The following UGGT2 variants were observed in gnomAD, a reference collection of about 807,000 sequenced individuals.
UGGT2 encodes UDP-glucose:glycoprotein glucosyltransferase 2.
A neutral mutation model predicts 192.1 loss-of-function variants in UGGT2; 180 were observed. The observed-to-expected ratio is 0.94, with a 90% CI of 0.83 to 1.06. The LOEUF (loss-of-function observed/expected upper bound fraction) is 1.06, where lower values mean the gene tolerates loss of function less well. Ranked by LOEUF, UGGT2 falls within the 50% of genes least tolerant of loss-of-function variation. The pLI, the probability that UGGT2 is intolerant of heterozygous loss-of-function variation, is 0.00. For missense variants in UGGT2, 1,849 were observed against 1,795.7 expected (o/e 1.03, Z -0.54); for synonymous variants, 580 against 591.0 (o/e 0.98, Z 0.27).
At chr13:95,952,374 C>T (rs901266877) in intron 12 of UGGT2, among the ~76,000 whole-genome samples, 4 of 151,920 alleles carry the variant, frequency 2.6e-5, no homozygotes, top group South Asian at 2.1e-4. Context: ...CAGGACTCCC[C>T]GAGGATACCA....
At chr13:95,865,289 T>C (rs909898220) in intron 30 of UGGT2, among the ~76,000 whole-genome samples, 2 of 152,202 alleles carry the variant, frequency 1.3e-5, no homozygotes, top group African/African-American at 4.8e-5. Flanking sequence ...CCTGTTTTTC[T>C]ATCTTTTTAC....
intron 31 of UGGT2, 154 bp downstream of exon 31, chr13:95,863,475 A>C (rs1291742719): frequency 1.6e-6 from 1 of 609,396 alleles, no homozygotes; most frequent in Non-Finnish European, 2.9e-6. Context: ...CTAGTTTCCT[A>C]TCTTGTACAC....
chr13:95,919,177 G>C (rs2048769256), intron 20 of UGGT2, among the ~76,000 whole-genome samples: 1 of 152,000 alleles, frequency 6.6e-6, no homozygotes, highest in Non-Finnish European at 1.5e-5. Context: ...ATCCCTTCAT[G>C]TTAAAATCTC....
intron 20 of UGGT2, among the ~76,000 whole-genome samples, chr13:95,915,412 T>C (rs1465592882): frequency 6.6e-6 from 1 of 152,250 alleles, no homozygotes; most frequent in South Asian, 2.1e-4. Context: ...CTATGCACGC[T>C]ACCCCTGCTA....
chr13:95,911,320 A>C (rs2048489387), intron 20 of UGGT2, among the ~76,000 whole-genome samples: 1 of 152,198 alleles, frequency 6.6e-6, no homozygotes, highest in African/African-American at 2.4e-5. Flanking sequence ...GAAAAGAACA[A>C]AATTGATAGA....
intron 2 of UGGT2, among the ~76,000 whole-genome samples, chr13:96,024,741 T>C (rs1198600229): frequency 6.6e-6 from 1 of 151,858 alleles, no homozygotes; most frequent in African/African-American, 2.4e-5. Flanking sequence ...AAGAACAGAG[T>C]TGAGGTAGAT....
chr13:95,970,815 T>G (rs2050749797), intron 11 of UGGT2, among the ~76,000 whole-genome samples: 1 of 152,156 alleles, frequency 6.6e-6, no homozygotes, highest in African/African-American at 2.4e-5. Context: ...AATCTAAATG[T>G]TTAAACTACT....
chr13:95,942,447 T>C (rs924829862), intron 15 of UGGT2, among the ~76,000 whole-genome samples: 1 of 152,146 alleles, frequency 6.6e-6, no homozygotes, highest in Non-Finnish European at 1.5e-5. Context: ...TCTTAATTCC[T>C]GCCAAATTAC....
At chr13:95,869,464 C>T (rs1343576695) in intron 29 of UGGT2, among the ~76,000 whole-genome samples, 1 of 152,212 alleles carries the variant, frequency 6.6e-6, no homozygotes, top group Non-Finnish European at 1.5e-5. Flanking sequence ...AATCACCACA[C>T]TGACTTCCAC....
chr13:95,930,470 T>C (rs890957740), intron 17 of UGGT2, among the ~76,000 whole-genome samples: 1 of 152,208 alleles, frequency 6.6e-6, no homozygotes, highest in African/African-American at 2.4e-5. Flanking sequence ...TCCAGTTTTG[T>C]TTGCATATGG....
intron 38 of UGGT2, among the ~76,000 whole-genome samples, chr13:95,820,232 C>T (rs902016469): frequency 2.6e-5 from 4 of 151,840 alleles, no homozygotes; most frequent in African/African-American, 9.7e-5. Context: ...AGAATATATC[C>T]AATATAAATC....
chr13:95,854,476 C>G lies in UGGT2; in HGVS notation c.4009-1G>C. The G allele has an allele frequency of 6.3e-7, 1 of 1,599,748 alleles. No homozygotes were observed. The highest frequency in any genetic ancestry group is 1.1e-5 in the South Asian group (1 of 87,738). The stretch of plus-strand genomic sequence containing the variant: ...GTTCTTTTAGATCATGTCTCACAAT[C>G]TAAATAATTAAAATAGACTGTCTGA... On this transcript the variant is annotated splice_acceptor_variant, in intron 34 of 38. Coordinates refer to ENST00000376747, the MANE Select transcript of UGGT2 (RefSeq NM_020121.4). LOFTEE classifies it high-confidence loss of function.
chr13:95,930,181 G>A (rs74818686), intron 17 of UGGT2, among the ~76,000 whole-genome samples: 51 of 152,100 alleles, frequency 3.4e-4, no homozygotes, highest in East Asian at 1.4e-3. Context: ...GAATTTTGTC[G>A]GATATACAGT....
chr13:96,035,865 C>CT (rs1230128764), intron 1 of UGGT2, among the ~76,000 whole-genome samples: 1 of 152,200 alleles, frequency 6.6e-6, no homozygotes, highest in Non-Finnish European at 1.5e-5. Context: ...GAGATACCAT[C>CT]TCACACCAGT....
At position 95,801,861 on chromosome 13, in the gene UGGT2, A is replaced by T. The variant is rs967092402; in HGVS notation, c.4529-49T>A. 8 of 1,602,104 alleles carry T rather than the reference A, an allele frequency of 5.0e-6. 1 individual carries two copies. The highest frequency in any genetic ancestry group is 1.7e-5 in the Admixed American group (1 of 59,630). On this transcript the variant is annotated intron_variant, in intron 38 of 38. Coordinates refer to ENST00000376747, the MANE Select transcript of UGGT2 (RefSeq NM_020121.4). ...AGCTTCTGGCATCTTAAACATAAAAATATCTTAAATATTACTTACATATGA... is the reference window on the plus strand; with the variant it reads ...AGCTTCTGGCATCTTAAACATAAAATTATCTTAAATATTACTTACATATGA...
rs1428344194 is a variant in UGGT2 at position 95,806,841 on chromosome 13, G to T, written c.4529-5029C>A. Among the ~76,000 whole-genome samples, 4 of 152,014 alleles carry T rather than the reference G, an allele frequency of 2.6e-5. No individual in the cohort carries two copies. In the East Asian group the frequency reaches 7.7e-4, roughly 29 times the overall value. On this transcript the variant is annotated intron_variant, in intron 38 of 38. Coordinates refer to ENST00000376747, the MANE Select transcript of UGGT2 (RefSeq NM_020121.4). The stretch of plus-strand genomic sequence containing the variant: ...GACAACTAGATAGCCATATGCCAAA[G>T]AATGAAGTTGGACTCCTACTTCATA...
At chr13:96,036,677 TA>T (rs2053012903) in intron 1 of UGGT2, among the ~76,000 whole-genome samples, 1 of 152,232 alleles carries the variant, frequency 6.6e-6, no homozygotes, top group African/African-American at 2.4e-5. Flanking sequence ...AACTCATTAT[TA>T]ATCACTGAAG....
At chr13:95,974,729 A>G (rs958309934) in intron 10 of UGGT2, among the ~76,000 whole-genome samples, 3 of 152,242 alleles carry the variant, frequency 2.0e-5, no homozygotes, top group Admixed American at 1.3e-4. Flanking sequence ...TTCTAGCAAC[A>G]TGATGAACCA....
At chr13:96,046,357 T>C (rs1475869662) in intron 1 of UGGT2, among the ~76,000 whole-genome samples, 1 of 152,156 alleles carries the variant, frequency 6.6e-6, no homozygotes, top group Non-Finnish European at 1.5e-5. Context: ...AGGACTTAAA[T>C]CTAAGACCTG....
Sources: allele counts gnomAD v4.1 joint callset (sites outside exome capture counted in the v4.1 genomes callset), GRCh38; gene constraint gnomAD v4.1.1; transcripts MANE v1.5; gene names NCBI Gene and HGNC (gene_info 2026-07-23, HGNC 2026-07-21).